The following RARB variants were observed in gnomAD, a reference collection of about 807,000 sequenced individuals.
RARB encodes HBV-activated protein.
Under a neutral mutation model 51.9 loss-of-function variants are expected in RARB, and 17 were observed. The observed-to-expected ratio is 0.33, with a 90% confidence interval of 0.22 to 0.49. The LOEUF (loss-of-function observed/expected upper bound fraction) is 0.49. Among genes scored for constraint, RARB ranks in the 20% least tolerant of loss-of-function variants. The pLI, the probability that RARB is intolerant of heterozygous loss-of-function variation, is 0.99. For synonymous variants in RARB, 215 were observed against 195.4 expected (o/e 1.10, Z -0.84); for missense variants, 369 against 550.8 (o/e 0.67, Z 3.30).
At chr3:24,873,633 T>C (rs1169195098) in intron 2 of RARB, among the ~76,000 whole-genome samples, 1 of 151,984 alleles carries the variant, frequency 6.6e-6, no homozygotes, top group East Asian at 1.9e-4. Flanking sequence ...GGTTTATGCT[T>C]TCTGGATAAA....
At chr3:25,555,037 G>A (rs1428378756) in intron 3 of RARB, among the ~76,000 whole-genome samples, 1 of 152,164 alleles carries the variant, frequency 6.6e-6, no homozygotes, top group African/African-American at 2.4e-5. Context: ...TCTCAAAACT[G>A]CCACATTGCG....
chr3:25,469,472 C>T (rs1037862651), intron 2 of RARB, among the ~76,000 whole-genome samples: 6 of 152,098 alleles, frequency 3.9e-5, no homozygotes, highest in South Asian at 2.1e-4. Context: ...AAAACAATAA[C>T]AAAAACAGGA....
chr3:24,941,781 A>G (rs539674171), intron 2 of RARB, among the ~76,000 whole-genome samples: 5 of 152,348 alleles, frequency 3.3e-5, no homozygotes, highest in African/African-American at 1.2e-4. Flanking sequence ...ATTTTAGAAT[A>G]TTGAATCCAG....
chr3:25,566,787 A>T (rs1487589986), intron 3 of RARB, among the ~76,000 whole-genome samples: 2 of 152,142 alleles, frequency 1.3e-5, no homozygotes, highest in African/African-American at 4.8e-5. Flanking sequence ...TTCCCTGTGG[A>T]TGGGATTATG....
intron 5 of RARB, among the ~76,000 whole-genome samples, chr3:25,375,227 C>A (rs559760495): frequency 1.3e-5 from 2 of 152,102 alleles, no homozygotes; most frequent in Admixed American, 6.5e-5. Flanking sequence ...AATACAGGAC[C>A]CTATGCATAG....
intron 2 of RARB, among the ~76,000 whole-genome samples, chr3:25,050,667 A>G (rs927922200): frequency 3.3e-5 from 5 of 152,124 alleles, no homozygotes; most frequent in Non-Finnish European, 7.3e-5. Context: ...CACTTTTAAA[A>G]ATTCATTTTA....
At chr3:24,877,426 C>CTTTAAAAG (rs1191613214) in intron 2 of RARB, among the ~76,000 whole-genome samples, 1 of 135,658 alleles carries the variant, frequency 7.4e-6, no homozygotes, top group African/African-American at 2.7e-5. Flanking sequence ...GCCCCAGAAC[C>CTTTAAAAG]TTTAAAAGTA....
chr3:25,113,072 A>G (rs1455370021), intron 3 of RARB, among the ~76,000 whole-genome samples: 1 of 152,188 alleles, frequency 6.6e-6, no homozygotes, highest in Non-Finnish European at 1.5e-5. Flanking sequence ...GAAATGAATC[A>G]CATTATAAAG....
chr3:25,508,894 T>TGA (rs1553625515), intron 3 of RARB, among the ~76,000 whole-genome samples: 1 of 146,788 alleles, frequency 6.8e-6, no homozygotes, highest in African/African-American at 2.5e-5. Flanking sequence ...TTAGGAGATT[T>TGA]AAAAAAAAAA....
chr3:24,843,900 TACACACACACACAC>T (rs71057685), intron 1 of RARB, among the ~76,000 whole-genome samples: 4 of 145,250 alleles, frequency 2.8e-5, no homozygotes, highest in African/African-American at 7.6e-5. Flanking sequence ...GATTTGAGGG[TACACACACACACAC>T]ACACACACAC....
rs535588532 is a variant in RARB, at chr3:24,859,630, G to A, written c.-380+878G>A. On this transcript the variant is annotated intron_variant, in intron 2 of 11. Transcript: ENST00000383772. Reference sequence around the variant, plus strand: ...CAGTATGCTTTGCTTAGTCATTAAGGTTTTCCAGGGTAAAATATGCAAAGA... The same window carrying A: ...CAGTATGCTTTGCTTAGTCATTAAGATTTTCCAGGGTAAAATATGCAAAGA... Among the ~76,000 whole-genome samples the A allele has an allele frequency of 2.2e-4, 33 of 152,268 alleles. No individual in the cohort carries two copies. The South Asian group carries it at 6.8e-3, about 32-fold the overall frequency.
chr3:25,147,149 G>A (rs4858144), intron 4 of RARB, among the ~76,000 whole-genome samples: 92,628 of 151,914 alleles, frequency 0.61, 28,459 homozygotes, highest in Admixed American at 0.71. Context: ...ATTTCCAGAG[G>A]TATTTTCTGA....
chr3:25,042,453 T>A (rs188675684), intron 2 of RARB, among the ~76,000 whole-genome samples: 1 of 152,366 alleles, frequency 6.6e-6, no homozygotes, highest in East Asian at 1.9e-4. Context: ...CACAGTCCTT[T>A]GCTCTGCAGA....
At chr3:25,346,136 G>A (rs1191296111) in intron 5 of RARB, among the ~76,000 whole-genome samples, 1 of 152,148 alleles carries the variant, frequency 6.6e-6, no homozygotes, top group African/African-American at 2.4e-5. Context: ...TCTCAGTCTT[G>A]TCCTTATTCA....
chr3:25,373,714 C>T (rs1706373318), intron 5 of RARB, among the ~76,000 whole-genome samples: 1 of 152,136 alleles, frequency 6.6e-6, no homozygotes, highest in Admixed American at 6.6e-5. Context: ...CCTCTACTAC[C>T]ATGGCGGGGA....
At chr3:25,065,855 G>A (rs1161011285) in intron 3 of RARB, among the ~76,000 whole-genome samples, 1 of 152,088 alleles carries the variant, frequency 6.6e-6, no homozygotes, top group African/African-American at 2.4e-5. Flanking sequence ...ACTGTTACCT[G>A]GTATATCCTG....
At chr3:25,264,111 A>AT (rs1197541264) in intron 5 of RARB, among the ~76,000 whole-genome samples, 35 of 10,012 alleles carry the variant, frequency 3.5e-3, no homozygotes, top group African/African-American at 5.4e-3. Context: ...GGCATTGTTG[A>AT]TTTTTTTTTT....
intron 5 of RARB, among the ~76,000 whole-genome samples, chr3:25,417,385 G>T (rs557853134): frequency 4.6e-5 from 7 of 152,244 alleles, no homozygotes; most frequent in Non-Finnish European, 8.8e-5. Context: ...TCCCTACCCA[G>T]ATCTCATCTT....
At chr3:24,928,766 A>G (rs534166121) in intron 2 of RARB, among the ~76,000 whole-genome samples, 11 of 152,118 alleles carry the variant, frequency 7.2e-5, no homozygotes, top group African/African-American at 2.6e-4. Context: ...ATTCTCTCCA[A>G]TGATAAGATC....
Sources: allele counts gnomAD v4.1 joint callset (sites outside exome capture counted in the v4.1 genomes callset), GRCh38; gene constraint gnomAD v4.1.1; transcripts MANE v1.5; gene names NCBI Gene and HGNC (gene_info 2026-07-23, HGNC 2026-07-21).